The following CCP110 variants were observed in gnomAD, a reference collection of about 807,000 sequenced individuals.
The protein encoded by CCP110 is centriolar coiled-coil protein of 110 kDa.
CCP110 carries 43 observed loss-of-function variants against 105.5 expected under a neutral mutation model. The observed-to-expected ratio is 0.41, with a 90% CI of 0.32 to 0.53. The LOEUF is 0.53. Ranked by LOEUF, CCP110 falls within the 20% of genes least tolerant of loss-of-function variation. The pLI is 0.32. For missense variants in CCP110, 1,016 were observed against 1,189.1 expected, an observed-to-expected ratio of 0.85 and a Z score of 2.14; for synonymous variants, 353 against 392.1, an observed-to-expected ratio of 0.90 and a Z score of 1.18.
At chr16:19,529,363 TAA>T (rs1046819131) in intron 2 of CCP110, among the ~76,000 whole-genome samples, 71 of 152,182 alleles carry the variant, frequency 4.7e-4, no homozygotes, top group African/African-American at 1.7e-3. Context: ...TAACAGGAGT[TAA>T]GAGATTAATT....
Position 19,536,948 on chromosome 16 carries a change from A to G in CCP110, c.1279A>G (p.Lys427Glu), listed in dbSNP as rs142220898. The G allele has an allele frequency of 2.2e-5, 35 of 1,614,260 alleles. No homozygotes were observed. In the African/African-American group the frequency reaches 4.5e-4, roughly 21 times the overall value. ...CACAAATGTGCCCGAAATTATGCCA[A>G]AGTTACCAACTGATTTAGCGGGAGT... Residue 427 changes from lysine (K) to glutamate (E), a missense_variant, in exon 4 of 15, where the codon AAG (lysine) becomes GAG (glutamate). Transcript: ENST00000381396.
chr16:19,545,045 C>A, intron 9 of CCP110, 49 bp from the exon 10 acceptor site: 1 of 1,199,734 alleles, frequency 8.3e-7, no homozygotes, highest in South Asian at 1.3e-5. Context: ...TTCCTGAACT[C>A]TAACCTCATC....
chr16:19,526,945 A>G (rs1187558960), intron 1 of CCP110: 1 of 152,044 alleles, frequency 6.6e-6, no homozygotes, highest in African/African-American at 2.4e-5. Flanking sequence ...ATGTCTTTTT[A>G]TTTTCCCTTG....
intron 3 of CCP110, 95 bp from the exon 4 acceptor site, chr16:19,535,845 C>T (rs977398588): frequency 3.2e-5 from 28 of 883,100 alleles, no homozygotes; most frequent in Non-Finnish European, 4.5e-5. Context: ...TGTCAGAATT[C>T]TGAATTTTCA....
chr16:19,545,775 A>G (rs1159661300), intron 10 of CCP110, 42 bp from the exon 11 acceptor site: 1 of 1,015,022 alleles, frequency 9.9e-7, no homozygotes, highest in Admixed American at 1.7e-5. Context: ...AGTGGTATTA[A>G]TTGGTTCCAG....
chr16:19,543,049 T>A, intron 8 of CCP110, 55 bp downstream of exon 8: 1 of 968,468 alleles, frequency 1.0e-6, no homozygotes, highest in Non-Finnish European at 1.7e-6. Context: ...TCTATCAGTC[T>A]TGTGACAGCT....
rs921305972 is a variant in CCP110 at position 19,528,859 on chromosome 16, T to C, written c.141+837T>C. Among the ~76,000 whole-genome samples, 14 of 152,016 alleles carry C rather than the reference T, an allele frequency of 9.2e-5. 1 individual carries two copies. The highest frequency in any genetic ancestry group is 3.9e-4 in the Admixed American group (6 of 15,258). ...GCTGCAGTGAGTCAGGATTGCATCA[T>C]TGCCTGGACTACAGAGAAAGACCCT... On this transcript the variant is annotated intron_variant, in intron 2 of 14. Transcript: ENST00000381396.
intron 4 of CCP110, 94 bp from the exon 5 acceptor site, chr16:19,540,563 T>G (rs1970240356): frequency 1.9e-6 from 2 of 1,050,918 alleles, no homozygotes; most frequent in Non-Finnish European, 2.8e-6. Context: ...CCAGGAATAC[T>G]CTCTTGTCAG....
At chr16:19,534,829 A>G (rs1969991377) in intron 3 of CCP110, among the ~76,000 whole-genome samples, 1 of 152,070 alleles carries the variant, frequency 6.6e-6, no homozygotes, top group African/African-American at 2.4e-5. Flanking sequence ...CTAGAAAAAA[A>G]CAAGCACATT....
intron 1 of CCP110, chr16:19,525,658 G>C (rs1214664692): frequency 6.6e-6 from 1 of 151,902 alleles, no homozygotes. Flanking sequence ...TTTTCTTCTG[G>C]TTTACATTAT....
chr16:19,545,073 A>G (rs779162452), intron 9 of CCP110, 21 bp from the exon 10 acceptor site: 2 of 1,420,150 alleles, frequency 1.4e-6, no homozygotes, highest in East Asian at 4.6e-5. Context: ...TGTATACAAT[A>G]TTTTCTTCTC....
At chr16:19,537,340 C>T (rs1970108572) in exon 4 of CCP110, 6 of 1,613,870 alleles carry the variant, frequency 3.7e-6, no homozygotes, top group Middle Eastern at 1.7e-4. Context: ...TGATGCAAAA[C>T]CAGAATACGA....
chr16:19,526,139 T>C (rs1417194395), intron 1 of CCP110: 1 of 152,228 alleles, frequency 6.6e-6, no homozygotes, highest in Non-Finnish European at 1.5e-5. Flanking sequence ...AGGACATATA[T>C]GTACTATTTA....
At chr16:19,540,564 C>G (rs1970240486) in intron 4 of CCP110, 93 bp from the exon 5 acceptor site, 1 of 1,068,090 alleles carries the variant, frequency 9.4e-7, no homozygotes. Flanking sequence ...CAGGAATACT[C>G]TCTTGTCAGA....
chr16:19,526,440 G>A lies in CCP110; in HGVS notation c.-15-1427G>A, dbSNP rs551702929. On this transcript the variant is annotated intron_variant, in intron 1 of 14. Coordinates refer to ENST00000381396, the Ensembl canonical transcript of CCP110. ...AAACCTAGACCTAAAAAAAGGCTAT[G>A]CCTTAAGGTGTTTTATTGTTTTTAC... 7 of 152,256 alleles carry A rather than the reference G, an allele frequency of 4.6e-5. No individual in the cohort carries two copies. In the East Asian group the frequency reaches 1.4e-3, roughly 29 times the overall value. The allele number at this position is 152,256 out of a possible 1,614,324, so 9.4% of individuals were successfully genotyped here.
At chr16:19,538,302 CTTT>C (rs1164690143) in intron 4 of CCP110, among the ~76,000 whole-genome samples, 11 of 55,238 alleles carry the variant, frequency 2.0e-4, no homozygotes, top group South Asian at 6.6e-4. Context: ...GGAAACAGTT[CTTT>C]TTTTTTTTTT....
rs35522152 is a variant in CCP110 at position 19,534,872 on chromosome 16, CTTTTTTTTTT to C, written c.271-1053_271-1044del. On this transcript the variant is annotated intron_variant, in intron 3 of 14. Transcript: ENST00000381396. ...ACCAAAAAATATTGTAATATTCAGACTTTTTTTTTTTTTTTTTTTTTTTTCTGAGATGGAG... is the reference window on the plus strand; with the variant it reads ...ACCAAAAAATATTGTAATATTCAGACTTTTTTTTTTTTTTCTGAGATGGAG... 2.6e-3 allele frequency among the ~76,000 whole-genome samples: 260 copies of C among 100,552 alleles called. 1 individual carries two copies. The highest frequency in any genetic ancestry group is 4.2e-3 in the Non-Finnish European group (216 of 51,932). The allele number at this position is 100,552 out of a possible 152,430, so 66.0% of individuals were successfully genotyped here.
At chr16:19,542,095 G>A in intron 6 of CCP110, 31 bp downstream of exon 6, 1 of 1,412,786 alleles carries the variant, frequency 7.1e-7, no homozygotes, top group Non-Finnish European at 9.6e-7. Context: ...TTACATTTGG[G>A]AAAGTGATCC....
chr16:19,536,578 A>G, exon 4 of CCP110: 6 of 1,614,180 alleles, frequency 3.7e-6, no homozygotes, highest in Non-Finnish European at 5.1e-6. Context: ...TTCTTCTCCA[A>G]GGTGCTTCCA....
Sources: gnomAD v4.1 joint callset for allele counts (sites outside exome capture counted in the v4.1 genomes callset) on GRCh38, gnomAD v4.1.1 for gene constraint, MANE v1.5 for transcripts, NCBI Gene and HGNC (gene_info 2026-07-23, HGNC 2026-07-21) for gene names.